SYTL2: variants seen among roughly 807,000 people sequenced by gnomAD.
SYTL2 encodes synaptotagmin-like protein 2.
A neutral mutation model predicts 198.7 loss-of-function variants in SYTL2; 165 were observed. The ratio of observed to expected loss-of-function variants is 0.83; its 90% CI spans 0.73 to 0.94. The LOEUF is 0.94. Among genes scored for constraint, SYTL2 ranks in the 40% least tolerant of loss-of-function variants. SYTL2 has a pLI of 0.00. For synonymous variants in SYTL2, 966 were observed against 917.7 expected (o/e 1.05, Z -0.95); for missense variants, 2,835 against 2,582.8 (o/e 1.10, Z -2.12).
intron 1 of SYTL2, among the ~76,000 whole-genome samples, chr11:85,792,700 C>T (rs2092747276): frequency 6.6e-6 from 1 of 151,406 alleles, no homozygotes; most frequent in Non-Finnish European, 1.5e-5. Context: ...CATATGTATA[C>T]ATGTGCCATG....
chr11:85,738,969 C>T (rs1242953712), intron 4 of SYTL2, among the ~76,000 whole-genome samples: 3 of 152,178 alleles, frequency 2.0e-5, no homozygotes, highest in Non-Finnish European at 2.9e-5. Flanking sequence ...CTCAACAGCC[C>T]ATATTGCAAA....
Position 85,733,789 on chromosome 11 carries a change from C to T in SYTL2, c.1390+150G>A, listed in dbSNP as rs7941300. Reference sequence around the variant, plus strand: ...TAATTTTTTGTATTTTTAGTAGAGACGGGGTTTCACCTTGTTAGCCAGGAT... The same window carrying T: ...TAATTTTTTGTATTTTTAGTAGAGATGGGGTTTCACCTTGTTAGCCAGGAT... On this transcript the variant is annotated intron_variant, in intron 7 of 19. Transcript: ENST00000359152. The T allele has an allele frequency of 6.2e-3, 3,826 of 617,574 alleles. 120 individuals are homozygous for T. Among genetic ancestry groups the T allele is most frequent in the African/African-American group, 0.058 (3,129 of 53,490 alleles). The allele number at this position is 617,574 out of a possible 1,614,324, so 38.3% of individuals were successfully genotyped here.
intron 5 of SYTL2, 55 bp downstream of exon 5, chr11:85,737,520 G>A: frequency 7.1e-7 from 1 of 1,405,092 alleles, no homozygotes; most frequent in South Asian, 1.2e-5. Flanking sequence ...GACACAATGA[G>A]GAAAAATGGC....
In SYTL2 at chr11:85,696,292, A is replaced by G. The variant is rs764030746; in HGVS notation, c.6465T>C (p.Asp2155=). 2 of 1,613,926 alleles carry G rather than the reference A, an allele frequency of 1.2e-6. No individual in the cohort carries two copies. Among genetic ancestry groups the G allele is most frequent in the South Asian group, 2.2e-5 (2 of 91,076 alleles). ...CCATCAGATCTTCAGGCCTGAACCCATCATACACCATAGTGTGGTTGAAGA... is the reference window on the plus strand; with the variant it reads ...CCATCAGATCTTCAGGCCTGAACCCGTCATACACCATAGTGTGGTTGAAGA... ...NPIFNHTMVY[D]GFRPEDLMEA... The change falls in exon 19 of 20, where the codon GAT becomes GAC. Residue 2155 remains aspartate (D), a synonymous_variant. Transcript: ENST00000359152.
chr11:85,736,345 C>T (rs2090333765), intron 6 of SYTL2, among the ~76,000 whole-genome samples, 156 bp downstream of exon 6: 1 of 152,202 alleles, frequency 6.6e-6, no homozygotes, highest in African/African-American at 2.4e-5. Context: ...CTTCCTCTCC[C>T]TCAGGAAGGA....
intron 1 of SYTL2, among the ~76,000 whole-genome samples, chr11:85,803,521 G>A (rs1325868891): frequency 2.0e-5 from 3 of 152,176 alleles, no homozygotes; most frequent in Non-Finnish European, 4.4e-5. Context: ...GGAAGATTAT[G>A]TTAAGCCCAT....
chr11:85,843,544 CT>C, the SYTL2 span, among the ~76,000 whole-genome samples: 8 of 152,138 alleles, frequency 5.3e-5, no homozygotes, highest in African/African-American at 1.9e-4. Context: ...TGTGAGCCAT[CT>C]AACTGATGCT....
the SYTL2 span, among the ~76,000 whole-genome samples, chr11:85,838,845 C>G: frequency 0.16 from 24,024 of 152,094 alleles, 2,082 homozygotes; most frequent in Middle Eastern, 0.2. Context: ...TTTCACATAT[C>G]TATACACTCA....
chr11:85,802,771 T>C (rs2092909544), intron 1 of SYTL2, among the ~76,000 whole-genome samples: 1 of 152,200 alleles, frequency 6.6e-6, no homozygotes, highest in Non-Finnish European at 1.5e-5. Context: ...TATTACCCCA[T>C]CTTGTGAGAA....
chr11:85,780,351 T>C (rs1249294667), intron 1 of SYTL2, among the ~76,000 whole-genome samples: 4 of 152,214 alleles, frequency 2.6e-5, no homozygotes, highest in Non-Finnish European at 5.9e-5. Context: ...GAGTGTCTTT[T>C]GTATGCTAAG....
the SYTL2 span, among the ~76,000 whole-genome samples, chr11:85,817,062 T>C: frequency 1.3e-5 from 2 of 152,212 alleles, no homozygotes; most frequent in Non-Finnish European, 2.9e-5. Flanking sequence ...CTGCACCTAC[T>C]GCAGAAGAGA....
chr11:85,709,318 A>G lies in SYTL2; in HGVS notation c.5915+13T>C. 8 of 1,613,740 alleles carry G rather than the reference A, an allele frequency of 5.0e-6. No individual in the cohort carries two copies. The highest frequency in any genetic ancestry group is 6.8e-6 in the Non-Finnish European group (8 of 1,179,692). On this transcript the variant is annotated intron_variant, in intron 14 of 19. Transcript: ENST00000359152. Reference sequence around the variant, plus strand: ...GAACTAAGAGAAGGTAGGTGACTCTAAAATGTACTTACGGGTCTGAACGCT... The same window carrying G: ...GAACTAAGAGAAGGTAGGTGACTCTGAAATGTACTTACGGGTCTGAACGCT...
chr11:85,747,662 C>T (rs1354058209), intron 3 of SYTL2, among the ~76,000 whole-genome samples: 4 of 152,152 alleles, frequency 2.6e-5, no homozygotes, highest in Non-Finnish European at 5.9e-5. Context: ...CTAACAGGCT[C>T]TTGAATATAT....
chr11:85,729,837 G>C (rs1389299486), intron 7 of SYTL2, among the ~76,000 whole-genome samples: 1 of 147,950 alleles, frequency 6.8e-6, no homozygotes, highest in Non-Finnish European at 1.5e-5. Flanking sequence ...CAATAAAATA[G>C]ATAGACCATT....
chr11:85,745,131 GT>G (rs2091062576), intron 4 of SYTL2, among the ~76,000 whole-genome samples: 1 of 152,178 alleles, frequency 6.6e-6, no homozygotes, highest in Admixed American at 6.5e-5. Context: ...CCTAGCTATA[GT>G]TAAGAATATA....
At chr11:85,821,104 C>T in the SYTL2 span, among the ~76,000 whole-genome samples, 1 of 152,138 alleles carries the variant, frequency 6.6e-6, no homozygotes, top group African/African-American at 2.4e-5. Flanking sequence ...GTGATAACAC[C>T]TATTAATTAT....
rs772531498 is a variant in SYTL2 at position 85,696,230 on chromosome 11, T to C, written c.6527A>G (p.Lys2176Arg). The C allele has an allele frequency of 1.9e-6, 3 of 1,613,986 alleles. No individual in the cohort carries two copies. Among genetic ancestry groups the C allele is most frequent in the Non-Finnish European group, 1.7e-6 (2 of 1,180,004 alleles). Reference protein sequence around the residue: ...CVELTVWDHYKLTNQFLGGLR... With the variant: ...CVELTVWDHYRLTNQFLGGLR... ...ACCTCCCAAAAATTGGTTGGTTAATTTGTAATGGTCCCAGACAGTAAGCTC... is the reference window on the plus strand; with the variant it reads ...ACCTCCCAAAAATTGGTTGGTTAATCTGTAATGGTCCCAGACAGTAAGCTC... The change falls in exon 19 of 20, where the codon AAA becomes AGA. Residue 2176 changes from lysine (K) to arginine (R), a missense_variant. Coordinates refer to ENST00000359152, the MANE Select transcript of SYTL2 (RefSeq NM_206927.4).
At chr11:85,742,225 C>G (rs988133118) in intron 4 of SYTL2, among the ~76,000 whole-genome samples, 1 of 152,198 alleles carries the variant, frequency 6.6e-6, no homozygotes, top group Non-Finnish European at 1.5e-5. Context: ...ATGCTCTTCT[C>G]TCATAGCTAT....
chr11:85,722,404 C>G (rs537493897), intron 8 of SYTL2, among the ~76,000 whole-genome samples: 13 of 151,980 alleles, frequency 8.6e-5, no homozygotes, highest in Non-Finnish European at 1.6e-4. Context: ...TCGATATCCT[C>G]ACCTCATGAT....
Sources: gnomAD v4.1 joint callset for allele counts (sites outside exome capture counted in the v4.1 genomes callset) on GRCh38, gnomAD v4.1.1 for gene constraint, MANE v1.5 for transcripts, NCBI Gene and HGNC (gene_info 2026-07-23, HGNC 2026-07-21) for gene names.